The following SLF1 variants were observed in gnomAD, a reference collection of about 807,000 sequenced individuals.
The protein encoded by SLF1 is SMC5/6 complex localization factor 1.
SLF1 carries 105 observed loss-of-function variants against 123.0 expected under a neutral mutation model. The observed-to-expected ratio is 0.85, with a 90% CI of 0.73 to 1.00. The LOEUF (loss-of-function observed/expected upper bound fraction) is 1.00, where lower values mean the gene tolerates loss of function less well. Ranked by LOEUF, SLF1 falls within the 50% of genes least tolerant of loss-of-function variation. SLF1 has a pLI of 0.00. For missense variants in SLF1, 1,239 were observed against 1,223.0 expected, an observed-to-expected ratio of 1.01 and a Z score of -0.20; for synonymous variants, 434 against 406.6, an observed-to-expected ratio of 1.07 and a Z score of -0.81.
chr5:94,634,554 A>ATACTATATT (rs1745544772), intron 4 of SLF1, among the ~76,000 whole-genome samples: 1 of 152,206 alleles, frequency 6.6e-6, no homozygotes, highest in Non-Finnish European at 1.5e-5. Context: ...GTATATGTAT[A>ATACTATATT]TACTATATTT....
chr5:94,666,953 C>CT (rs34215806), intron 12 of SLF1, among the ~76,000 whole-genome samples: 4,943 of 104,584 alleles, frequency 0.047, 218 homozygotes, highest in East Asian at 0.24. Context: ...CTGGGAAGAT[C>CT]TTTTTTTTTT....
chr5:94,678,960 G>A lies in SLF1; in HGVS notation c.1975+5G>A. The A allele has an allele frequency of 1.2e-6, 2 of 1,611,946 alleles. No individual in the cohort carries two copies. Among genetic ancestry groups the A allele is most frequent in the Non-Finnish European group, 1.7e-6 (2 of 1,179,006 alleles). ...ATGTTTCTCTTTCGTGTGATGGTAA[G>A]TTTGTCTATGTTCTGTTTTTTTCAG... is the stretch of plus-strand genomic sequence containing the variant. On this transcript the variant is annotated splice_donor_5th_base_variant and intron_variant, in intron 15 of 20. Transcript: ENST00000265140.
intron 12 of SLF1, among the ~76,000 whole-genome samples, chr5:94,667,750 T>A (rs1336956699): frequency 1.3e-5 from 2 of 151,906 alleles, no homozygotes; most frequent in Admixed American, 6.6e-5. Context: ...TGTTTGTTTG[T>A]TTGTTTTGTT....
At chr5:94,676,642 CCTAGATT>C (rs1204393951) in intron 14 of SLF1, among the ~76,000 whole-genome samples, 1 of 152,044 alleles carries the variant, frequency 6.6e-6, no homozygotes, top group African/African-American at 2.4e-5. Flanking sequence ...GGGTCTCTCT[CCTAGATT>C]CTAATGTCTA....
intron 1 of SLF1, among the ~76,000 whole-genome samples, chr5:94,626,222 C>T (rs1422795041): frequency 6.9e-6 from 1 of 145,896 alleles, no homozygotes; most frequent in Non-Finnish European, 1.5e-5. Flanking sequence ...CATTGCACTC[C>T]AGCCTGGGCG....
In SLF1 at chr5:94,676,337, C is replaced by T. The variant is rs570186310; in HGVS notation, c.1828-2471C>T. ...TACAGAGAATGGAGTTGATTTCCTGCAGTGTTTTCTGGAGACTAGCACTAG... is the reference window on the plus strand; with the variant it reads ...TACAGAGAATGGAGTTGATTTCCTGTAGTGTTTTCTGGAGACTAGCACTAG... On this transcript the variant is annotated intron_variant, in intron 14 of 20. Transcript: ENST00000265140. 1.0e-3 allele frequency among the ~76,000 whole-genome samples: 157 copies of T among 152,288 alleles called. 2 individuals are homozygous for T. The highest frequency in any genetic ancestry group is 9.4e-3 in the Admixed American group (143 of 15,294).
chr5:94,684,779 C>T (rs1234871764), intron 15 of SLF1, among the ~76,000 whole-genome samples: 1 of 149,096 alleles, frequency 6.7e-6, no homozygotes, highest in African/African-American at 2.5e-5. Context: ...GATAATATAT[C>T]TGTTTGGGGT....
At chr5:94,639,112 C>T (rs1004483453) in intron 4 of SLF1, among the ~76,000 whole-genome samples, 13 of 135,842 alleles carry the variant, frequency 9.6e-5, no homozygotes, top group African/African-American at 3.4e-4. Context: ...ACCATCTTGG[C>T]TCACTGCAAC....
At chr5:94,626,231 C>A (rs951087973) in intron 1 of SLF1, among the ~76,000 whole-genome samples, 2 of 138,348 alleles carry the variant, frequency 1.4e-5, no homozygotes, top group African/African-American at 5.5e-5. Flanking sequence ...CCAGCCTGGG[C>A]GACAGAGTGA....
At chr5:94,682,365 T>A (rs1035847717) in intron 15 of SLF1, among the ~76,000 whole-genome samples, 30 of 152,152 alleles carry the variant, frequency 2.0e-4, no homozygotes, top group East Asian at 3.9e-4. Context: ...ATATTCCTTT[T>A]AAAAAAAATC....
chr5:94,692,521 G>C (rs916103537), intron 20 of SLF1, among the ~76,000 whole-genome samples: 3 of 152,040 alleles, frequency 2.0e-5, no homozygotes, highest in Admixed American at 6.6e-5. Context: ...TTTGAATTGA[G>C]TTTGCTGGTT....
intron 8 of SLF1, among the ~76,000 whole-genome samples, chr5:94,654,123 T>C (rs1748090538): frequency 2.0e-5 from 3 of 152,018 alleles, no homozygotes; most frequent in Non-Finnish European, 4.4e-5. Context: ...TGAGCCAAGA[T>C]TGCACCACTG....
At position 94,692,228 on chromosome 5, in the gene SLF1, A is replaced by G. The variant is rs771332868; in HGVS notation, c.2667A>G (p.Glu889=). 2 of 1,613,654 alleles carry G rather than the reference A, an allele frequency of 1.2e-6. No homozygotes were observed. The highest frequency in any genetic ancestry group is 2.2e-5 in the South Asian group (2 of 91,036). The change falls in exon 20 of 21, where the codon GAA becomes GAG. Residue 889 remains glutamate (E), a synonymous_variant. Coordinates refer to ENST00000265140, the MANE Select transcript of SLF1 (RefSeq NM_032290.4). The part of the protein sequence containing the change: ...LHDALSNGHV[E]IGKLLLQHGG... ...ATGCACTGTCAAACGGACATGTAGAAATTGGCAAGCTGCTACTACAGCATG... is the reference window on the plus strand; with the variant it reads ...ATGCACTGTCAAACGGACATGTAGAGATTGGCAAGCTGCTACTACAGCATG...
intron 9 of SLF1, among the ~76,000 whole-genome samples, chr5:94,657,779 CT>C (rs1275655861): frequency 4.6e-5 from 7 of 151,962 alleles, no homozygotes; most frequent in Non-Finnish European, 8.8e-5. Flanking sequence ...CGGAATTGAT[CT>C]TTTTATCAGT....
Position 94,663,135 on chromosome 5 carries a change from C to G in SLF1, c.1210-615C>G, listed in dbSNP as rs891271836. ...ATTTTTCACCTAAAGAACTATGTCG[C>G]TGTAGCTCTTTCTCTTTTTTATCAA... On this transcript the variant is annotated intron_variant, in intron 10 of 20. Coordinates refer to ENST00000265140, the MANE Select transcript of SLF1 (RefSeq NM_032290.4). Among the ~76,000 whole-genome samples, 6 of 152,316 alleles carry G rather than the reference C, an allele frequency of 3.9e-5. No individual in the cohort carries two copies. In the East Asian group the frequency reaches 1.2e-3, roughly 29 times the overall value.
In SLF1 at chr5:94,691,654, A is replaced by C. The variant is rs1340718959; in HGVS notation, c.2510A>C (p.Lys837Thr). The C allele has an allele frequency of 4.4e-6, 7 of 1,604,562 alleles. No individual in the cohort carries two copies. Among genetic ancestry groups the C allele is most frequent in the Non-Finnish European group, 6.0e-6 (7 of 1,176,038 alleles). ...TTGCCAGGAATAGACATCAATGTTAAAGGTAAGTTTTAAATCTTTGTGGTC... is the reference window on the plus strand; with the variant it reads ...TTGCCAGGAATAGACATCAATGTTACAGGTAAGTTTTAAATCTTTGTGGTC... Reference protein sequence around the residue: ...LSLPGIDINVKDNAGWTPLHE... With the variant: ...LSLPGIDINVTDNAGWTPLHE... The change falls in exon 19 of 21, where the codon AAA becomes ACA. Residue 837 changes from lysine to threonine, a missense_variant and splice_region_variant. By Grantham distance (78) the Lys-to-Thr change is moderately conservative. Coordinates refer to ENST00000265140, the MANE Select transcript of SLF1 (RefSeq NM_032290.4).
chr5:94,670,422 T>A, intron 13 of SLF1, 143 bp downstream of exon 13: 1 of 813,488 alleles, frequency 1.2e-6, no homozygotes, highest in Non-Finnish European at 1.7e-6. Flanking sequence ...AAAACATATT[T>A]CCAGATATTC....
At chr5:94,619,098 G>C (rs1791346258) in intron 1 of SLF1, among the ~76,000 whole-genome samples, 1 of 152,072 alleles carries the variant, frequency 6.6e-6, no homozygotes, top group Non-Finnish European at 1.5e-5. Context: ...TCTGCCGCTC[G>C]GCCCGCCGCC....
At chr5:94,646,768 C>T (rs1296318113) in intron 5 of SLF1, among the ~76,000 whole-genome samples, 1 of 152,144 alleles carries the variant, frequency 6.6e-6, no homozygotes, top group Non-Finnish European at 1.5e-5. Context: ...GCACTGTGAC[C>T]ATAGGAAAGT....
Sources: allele counts gnomAD v4.1 joint callset (sites outside exome capture counted in the v4.1 genomes callset), GRCh38; gene constraint gnomAD v4.1.1; transcripts MANE v1.5; gene names NCBI Gene and HGNC (gene_info 2026-07-23, HGNC 2026-07-21).